Variants in TENM3 observed in about 807,000 individuals in gnomAD.
TENM3 encodes teneurin-3.
A neutral mutation model predicts 255.1 loss-of-function variants in TENM3; 63 were observed. That is an observed-to-expected ratio of 0.25 (90% CI 0.20 to 0.30). TENM3 has a LOEUF of 0.30. Among genes scored for constraint, TENM3 ranks in the 10% least tolerant of loss-of-function variants. The pLI, the probability that TENM3 is intolerant of heterozygous loss-of-function variation, is 1.00. For missense variants in TENM3, 2,929 were observed against 3,461.1 expected (o/e 0.85, Z 3.86); for synonymous variants, 1,306 against 1,322.3 (o/e 0.99, Z 0.27).
chr4:181,846,404 T>C, the TENM3 span, among the ~76,000 whole-genome samples: 5 of 152,168 alleles, frequency 3.3e-5, no homozygotes, highest in Non-Finnish European at 1.5e-5. Context: ...TAATAGGATA[T>C]TTTATGTCTT....
intron 11 of TENM3, among the ~76,000 whole-genome samples, chr4:182,683,447 G>C (rs28665961): frequency 0.052 from 7,870 of 152,176 alleles, 352 homozygotes; most frequent in African/African-American, 0.12. Context: ...TTTCAGATTA[G>C]GGATGCTCCA....
the TENM3 span, among the ~76,000 whole-genome samples, chr4:181,658,654 G>A: frequency 1.3e-5 from 2 of 152,224 alleles, no homozygotes; most frequent in East Asian, 3.8e-4. Context: ...CGATGGAGCA[G>A]AGAGCATTTT....
the TENM3 span, among the ~76,000 whole-genome samples, chr4:181,781,513 T>G: frequency 6.6e-6 from 1 of 152,188 alleles, no homozygotes; most frequent in Non-Finnish European, 1.5e-5. Context: ...TTAAAGAGAT[T>G]TGGGGCTGAG....
chr4:182,679,963 G>A, intron 8 of TENM3, 87 bp downstream of exon 8: 1 of 1,222,544 alleles, frequency 8.2e-7, no homozygotes, highest in South Asian at 1.4e-5. Context: ...ACCAATTTGG[G>A]GTAATTCCTA....
the TENM3 span, among the ~76,000 whole-genome samples, chr4:182,075,018 G>A: frequency 1.6e-4 from 24 of 152,124 alleles, no homozygotes; most frequent in Admixed American, 1.0e-3. Flanking sequence ...TATGTTACAC[G>A]GTTACAGATG....
chr4:181,817,692 CT>C, the TENM3 span, among the ~76,000 whole-genome samples: 405 of 152,220 alleles, frequency 2.7e-3, 2 homozygotes, highest in African/African-American at 9.3e-3. Flanking sequence ...GGAGCTCATC[CT>C]TTTTTTGCCT....
At chr4:182,161,336 A>T (rs1751155427) in intron 1 of TENM3, among the ~76,000 whole-genome samples, 1 of 132,564 alleles carries the variant, frequency 7.5e-6, no homozygotes, top group South Asian at 2.7e-4. Context: ...GAATGGCGTG[A>T]ACCCGGGAGG....
intron 1 of TENM3, among the ~76,000 whole-genome samples, chr4:182,193,574 C>T (rs1015388481): frequency 7.2e-5 from 11 of 152,194 alleles, no homozygotes; most frequent in Non-Finnish European, 1.5e-4. Flanking sequence ...ACATTCCATG[C>T]GTCCCAGGGG....
At chr4:182,054,562 T>C in the TENM3 span, among the ~76,000 whole-genome samples, 3 of 152,116 alleles carry the variant, frequency 2.0e-5, no homozygotes, top group African/African-American at 7.2e-5. Flanking sequence ...CTATAGTCAA[T>C]AACAAATTGT....
chr4:181,524,079 C>T, the TENM3 span, among the ~76,000 whole-genome samples: 11 of 152,034 alleles, frequency 7.2e-5, no homozygotes, highest in Admixed American at 2.0e-4. Flanking sequence ...TTATAATCCA[C>T]GAAACACTAA....
At chr4:181,702,758 T>C in the TENM3 span, among the ~76,000 whole-genome samples, 1 of 152,180 alleles carries the variant, frequency 6.6e-6, no homozygotes, top group East Asian at 1.9e-4. Flanking sequence ...AGTATTCTAT[T>C]TTTTTGAATC....
At chr4:182,272,020 C>T (rs958606423) in intron 1 of TENM3, among the ~76,000 whole-genome samples, 1 of 152,154 alleles carries the variant, frequency 6.6e-6, no homozygotes, top group African/African-American at 2.4e-5. Context: ...TTTGTCTCCA[C>T]ACAGCTCTCA....
At chr4:181,714,007 A>G in the TENM3 span, among the ~76,000 whole-genome samples, 1 of 152,144 alleles carries the variant, frequency 6.6e-6, no homozygotes, top group African/African-American at 2.4e-5. Flanking sequence ...TGAGGGAGGC[A>G]CACGTACCCA....
intron 1 of TENM3, among the ~76,000 whole-genome samples, chr4:182,173,623 C>T (rs577854122): frequency 4.6e-5 from 7 of 152,184 alleles, no homozygotes; most frequent in East Asian, 1.9e-4. Flanking sequence ...CAGCCTATAC[C>T]GAAGGCTGTG....
chr4:182,161,817 A>ATATATATACATATATATTTGTG (rs1751303891), intron 1 of TENM3, among the ~76,000 whole-genome samples: 1 of 29,094 alleles, frequency 3.4e-5, no homozygotes, highest in East Asian at 1.7e-3. Context: ...ATATATATGT[A>ATATATATACATATATATTTGTG]TATATATACA....
intron 3 of TENM3, among the ~76,000 whole-genome samples, chr4:182,399,082 C>T (rs1044398806): frequency 1.1e-4 from 17 of 152,106 alleles, no homozygotes; most frequent in African/African-American, 3.9e-4. Context: ...TCAGGAGGAA[C>T]GTTTCAGCTT....
chr4:182,782,917 C>T (rs1579489301), intron 24 of TENM3, among the ~76,000 whole-genome samples: 1 of 151,018 alleles, frequency 6.6e-6, no homozygotes, highest in African/African-American at 2.4e-5. Flanking sequence ...GGTAGATCTT[C>T]CTCCATCCTT....
At chr4:182,647,529 A>G (rs950200014) in intron 5 of TENM3, among the ~76,000 whole-genome samples, 6 of 152,198 alleles carry the variant, frequency 3.9e-5, no homozygotes, top group Admixed American at 1.3e-4. Flanking sequence ...CAAGGTTTGC[A>G]TGTCGCATTC....
the TENM3 span, among the ~76,000 whole-genome samples, chr4:181,849,924 C>CTT: frequency 1.8e-5 from 1 of 56,440 alleles, no homozygotes; most frequent in Non-Finnish European, 4.3e-5. Context: ...GCATCTCTCT[C>CTT]TCTCTTTCTC....
Sources: gnomAD v4.1 joint callset for allele counts (sites outside exome capture counted in the v4.1 genomes callset) on GRCh38, gnomAD v4.1.1 for gene constraint, MANE v1.5 for transcripts, NCBI Gene and HGNC (gene_info 2026-07-23, HGNC 2026-07-21) for gene names.